SPTLC2: variants seen among roughly 807,000 people sequenced by gnomAD.
SPTLC2 encodes the protein serine palmitoyltransferase long chain base subunit 2, also known as serine palmitoyltransferase 2.
SPTLC2 carries 21 observed loss-of-function variants against 62.0 expected under a neutral mutation model. That is an observed-to-expected ratio of 0.34 (90% CI 0.24 to 0.49). The LOEUF is 0.49. Among genes scored for constraint, SPTLC2 ranks in the 20% least tolerant of loss-of-function variants. The pLI is 0.99. For synonymous variants in SPTLC2, 261 were observed against 261.8 expected (o/e 1.00, Z 0.03); for missense variants, 511 against 713.0 (o/e 0.72, Z 3.23).
intron 1 of SPTLC2, among the ~76,000 whole-genome samples, chr14:77,614,947 G>GA (rs2079957935): frequency 6.6e-6 from 1 of 151,330 alleles, no homozygotes; most frequent in Admixed American, 6.6e-5. Context: ...CTCCAGCCTG[G>GA]GTGACAAGAG....
In SPTLC2 at chr14:77,509,525, T is replaced by A. The variant is rs1342304542; in HGVS notation, c.*2759A>T. Reference sequence around the variant, plus strand: ...TATCAATCGACTCAGATGATCAGTTTTGGTAGTCATGGTTAACCGGTATCT... The same window carrying A: ...TATCAATCGACTCAGATGATCAGTTATGGTAGTCATGGTTAACCGGTATCT... On this transcript the variant is annotated 3_prime_UTR_variant, in exon 12 of 12. Coordinates refer to ENST00000216484, the MANE Select transcript of SPTLC2 (RefSeq NM_004863.4). 1 of 199,254 alleles carries A rather than the reference T, an allele frequency of 5.0e-6. No homozygotes were observed. The highest frequency in any genetic ancestry group is 1.0e-5 in the Non-Finnish European group (1 of 99,468). 12.3% of individuals were successfully genotyped at this position (199,254 alleles called of 1,614,324 possible).
rs1366583972 is a variant in SPTLC2 at position 77,580,548 on chromosome 14, A to T, written c.328-1439T>A. Among the ~76,000 whole-genome samples, 357 of 41,830 alleles carry T rather than the reference A, an allele frequency of 8.5e-3. 2 individuals carry two copies. Among genetic ancestry groups the T allele is most frequent in the African/African-American group, 0.02 (332 of 16,882 alleles). 27.4% of individuals were successfully genotyped at this position (41,830 alleles called of 152,430 possible). On this transcript the variant is annotated intron_variant, in intron 2 of 11. Coordinates refer to ENST00000216484, the MANE Select transcript of SPTLC2 (RefSeq NM_004863.4). ...TTTTCCCTTTAGAAAGGAATTTTTT[A>T]AAAAAGAAAAAAAAAAAAAAAAAAA...
At chr14:77,587,230 C>CAA (rs35395128) in intron 2 of SPTLC2, among the ~76,000 whole-genome samples, 4 of 145,780 alleles carry the variant, frequency 2.7e-5, no homozygotes, top group East Asian at 2.0e-4. Flanking sequence ...GACTCAGTCT[C>CAA]AAAAAAAAAA....
intron 5 of SPTLC2, among the ~76,000 whole-genome samples, chr14:77,565,798 TCA>T (rs1244247720): frequency 6.6e-6 from 1 of 152,210 alleles, no homozygotes; most frequent in African/African-American, 2.4e-5. Context: ...TAGTATTGTG[TCA>T]CAGTTAATTT....
intron 1 of SPTLC2, among the ~76,000 whole-genome samples, chr14:77,605,290 C>T (rs1474281973): frequency 6.6e-6 from 1 of 152,010 alleles, no homozygotes; most frequent in Non-Finnish European, 1.5e-5. Context: ...GAATTGCAGG[C>T]ATAAGCCACC....
At chr14:77,553,309 T>C (rs2079565048) in intron 8 of SPTLC2, among the ~76,000 whole-genome samples, 1 of 152,256 alleles carries the variant, frequency 6.6e-6, no homozygotes, top group South Asian at 2.1e-4. Context: ...CACAAATATA[T>C]TGTACTTTAA....
chr14:77,611,458 CAAA>C (rs34421039), intron 1 of SPTLC2, among the ~76,000 whole-genome samples: 9 of 110,802 alleles, frequency 8.1e-5, no homozygotes, highest in Non-Finnish European at 8.9e-5. Flanking sequence ...CCTATCTCGC[CAAA>C]AAAAAAAAAA....
At chr14:77,542,063 G>GAAAA (rs11402118) in intron 9 of SPTLC2, among the ~76,000 whole-genome samples, 8,816 of 119,794 alleles carry the variant, frequency 0.074, 307 homozygotes, top group African/African-American at 0.084. Context: ...TCTGTGTCCG[G>GAAAA]AAAAAAAAAA....
chr14:77,576,807 C>T lies in SPTLC2; in HGVS notation c.591G>A (p.Glu197=), dbSNP rs1412530398. 1.9e-6 allele frequency: 3 copies of T among 1,614,220 alleles called. No homozygotes were observed. Among genetic ancestry groups the T allele is most frequent in the Non-Finnish European group, 2.5e-6 (3 of 1,180,030 alleles). ...SCQEAAAKVL[E]EYGAGVCSTR... is the part of the protein sequence containing the mutation. ...TACTGCACACTCCAGCTCCATACTC[C>T]TCAAGGACTTTGGCGGCTGCTTCTT... Residue 197 remains glutamate (E), a synonymous_variant, in exon 4 of 12, where the codon GAG becomes GAA. Coordinates refer to ENST00000216484, the MANE Select transcript of SPTLC2 (RefSeq NM_004863.4).
At chr14:77,599,751 T>C (rs769887738) in intron 1 of SPTLC2, among the ~76,000 whole-genome samples, 8 of 152,182 alleles carry the variant, frequency 5.3e-5, no homozygotes, top group Non-Finnish European at 8.8e-5. Context: ...ACAGAATACC[T>C]AAAATTGAGC....
In SPTLC2 at chr14:77,512,305, C is replaced by G. The variant is rs370209646; in HGVS notation, c.1668G>C (p.Thr556=). The G allele has an allele frequency of 1.1e-5, 17 of 1,614,138 alleles. No homozygotes were observed. The South Asian group carries it at 1.5e-4, about 15-fold the overall frequency. The part of the protein sequence containing the change: ...PLLDRPFDET[T]YEETED The stretch of plus-strand genomic sequence containing the variant: ...AGGCTCAGTCTTCTGTTTCTTCATA[C>G]GTCGTCTCGTCAAAGGGCCTGTCCA... The change falls in exon 12 of 12, where the codon ACG becomes ACC. Residue 556 remains threonine (T), a synonymous_variant. Transcript: ENST00000216484.
intron 9 of SPTLC2, among the ~76,000 whole-genome samples, chr14:77,528,405 A>G (rs1019645888): frequency 2.6e-5 from 4 of 151,788 alleles, no homozygotes; most frequent in East Asian, 1.9e-4. Flanking sequence ...CTAATTTCGT[A>G]TTTTTAGTAG....
At chr14:77,564,400 TACACACACACACACACACACACACACAC>T (rs6145397) in intron 5 of SPTLC2, among the ~76,000 whole-genome samples, 3 of 139,314 alleles carry the variant, frequency 2.2e-5, no homozygotes, top group South Asian at 2.4e-4. Context: ...TATGCATGCA[TACACACACACACACACACACACACACAC>T]ACACACACAC....
At chr14:77,561,544 G>A (rs2079614995) in intron 6 of SPTLC2, among the ~76,000 whole-genome samples, 1 of 151,704 alleles carries the variant, frequency 6.6e-6, no homozygotes, top group Non-Finnish European at 1.5e-5. Context: ...TCGGGAGGCA[G>A]AGGTTGCAGT....
At chr14:77,544,014 G>C (rs564215768) in intron 9 of SPTLC2, among the ~76,000 whole-genome samples, 1 of 152,126 alleles carries the variant, frequency 6.6e-6, no homozygotes, top group Non-Finnish European at 1.5e-5. Context: ...AAAGAGGATT[G>C]TCAAAAAGAC....
chr14:77,513,815 A>C (rs1043998667), intron 11 of SPTLC2, among the ~76,000 whole-genome samples: 6 of 150,798 alleles, frequency 4.0e-5, no homozygotes, highest in Non-Finnish European at 8.8e-5. Context: ...GAATCGCTTG[A>C]ACCCAGGGGG....
chr14:77,547,550 T>C (rs905887177), intron 9 of SPTLC2: 2 of 152,238 alleles, frequency 1.3e-5, no homozygotes, highest in African/African-American at 4.8e-5. Flanking sequence ...TGTTTTTTTG[T>C]TTTGTTTTGT....
chr14:77,572,748 C>G (rs916433482), intron 4 of SPTLC2, among the ~76,000 whole-genome samples: 2 of 152,202 alleles, frequency 1.3e-5, no homozygotes, highest in African/African-American at 4.8e-5. Context: ...TTCACTGCTT[C>G]ACCTTGCACT....
At chr14:77,569,816 A>G (rs895775972) in intron 5 of SPTLC2, among the ~76,000 whole-genome samples, 1 of 125,056 alleles carries the variant, frequency 8.0e-6, no homozygotes, top group Non-Finnish European at 1.8e-5. Context: ...ACATACATAT[A>G]TGTTATATAT....
Sources: gnomAD v4.1 joint callset for allele counts (sites outside exome capture counted in the v4.1 genomes callset) on GRCh38, gnomAD v4.1.1 for gene constraint, MANE v1.5 for transcripts, NCBI Gene and HGNC (gene_info 2026-07-23, HGNC 2026-07-21) for gene names.